The following BEND2 variants were observed in gnomAD, a reference collection of about 807,000 sequenced individuals.
The protein encoded by BEND2 is BEN domain-containing protein 2.
BEND2 carries 19 observed loss-of-function variants against 43.8 expected under a neutral mutation model. The observed-to-expected ratio is 0.43, with a 90% CI of 0.30 to 0.64. The LOEUF (loss-of-function observed/expected upper bound fraction) is 0.64. Among genes scored for constraint, BEND2 ranks in the 30% least tolerant of loss-of-function variants. The pLI is 0.11. For missense variants in BEND2, 544 were observed against 574.0 expected (o/e 0.95, Z 0.53); for synonymous variants, 226 against 210.1 (o/e 1.08, Z -0.66).
At position 18,216,590 on chromosome X, in the gene BEND2, C is replaced by G; in HGVS notation, c.169G>C (p.Asp57His). 3.3e-6 allele frequency: 4 copies of G among 1,209,300 alleles called. No homozygotes were observed. Among genetic ancestry groups the G allele is most frequent in the Non-Finnish European group, 4.5e-6 (4 of 893,427 alleles). ...GGAAAATTTGGTTGTGTGGCTGTGTCATCAGTGGGATTATCTGCTGTGACA... is the reference window on the plus strand; with the variant it reads ...GGAAAATTTGGTTGTGTGGCTGTGTGATCAGTGGGATTATCTGCTGTGACA... ...TYVTADNPTD[D>H]TATQPNFPGG... The change falls in exon 2 of 14, where the codon GAC becomes CAC. Residue 57 changes from aspartate (D) to histidine (H), a missense_variant. Asp to His is a moderately conservative substitution (Grantham distance 81, BLOSUM62 -1). Around this residue, in one of 2 missense-constraint regions of BEND2, gnomAD observed 501 missense variants for 501.6 expected, o/e 1.00. Coordinates refer to ENST00000380033, the MANE Select transcript of BEND2 (RefSeq NM_153346.5).
chrX:18,177,713 C>T lies in BEND2; in HGVS notation c.1486G>A (p.Val496Ile). The change falls in exon 10 of 14, where the codon GTA (valine) becomes ATA (isoleucine). Residue 496 changes from valine (V) to isoleucine (I), a missense_variant. Physicochemically the swap from Val to Ile is conservative, Grantham distance 29 (BLOSUM62 3). Coordinates refer to ENST00000380033, the MANE Select transcript of BEND2 (RefSeq NM_153346.5). ...TGCTTAGGTTTGGCCATATTTTGTA[C>T]GGCCAGCAAATGGATTTTAAGTACT... ...VRVLKIHLLA[V>I]QNMAKPKQAA... 1 of 1,210,343 alleles carries T rather than the reference C, an allele frequency of 8.3e-7. No homozygotes were observed.
At chrX:18,170,004 T>G (rs1923926679) in intron 13 of BEND2, among the ~76,000 whole-genome samples, 1 of 112,274 alleles carries the variant, frequency 8.9e-6, no homozygotes, top group East Asian at 2.8e-4. Context: ...CTTCTATAAA[T>G]ACATTCATTT....
chrX:18,203,227 C>T (rs1925221868), intron 5 of BEND2, among the ~76,000 whole-genome samples: 1 of 109,549 alleles, frequency 9.1e-6, no homozygotes. Context: ...TAGGAACATA[C>T]AAACTTTCTC....
intron 7 of BEND2, among the ~76,000 whole-genome samples, chrX:18,195,021 A>G (rs754456351): frequency 9.0e-6 from 1 of 111,129 alleles, no homozygotes; most frequent in South Asian, 3.9e-4. Context: ...AAATACAAGT[A>G]AAATGGGACA....
chrX:18,185,399 C>T (rs1350915175), intron 8 of BEND2, among the ~76,000 whole-genome samples: 5 of 108,536 alleles, frequency 4.6e-5, no homozygotes, highest in African/African-American at 1.0e-4. Context: ...GGCATGGTGG[C>T]GCGTGCCTAT....
intron 8 of BEND2, among the ~76,000 whole-genome samples, chrX:18,186,537 GT>G (rs1924579488): frequency 9.2e-6 from 1 of 108,437 alleles, no homozygotes; most frequent in Non-Finnish European, 1.9e-5. Context: ...TTAAGTTAAA[GT>G]GTAGAGTTTT....
chrX:18,196,694 G>GA (rs59301009), intron 6 of BEND2, among the ~76,000 whole-genome samples: 847 of 71,079 alleles, frequency 0.012, 9 homozygotes, highest in African/African-American at 0.031. Context: ...CATACTGACT[G>GA]AAAAAAAAAA....
Position 18,171,131 on chromosome X carries a change from G to A in BEND2, c.2055C>T (p.Cys685=), listed in dbSNP as rs745334763. 16 of 1,207,566 alleles carry A rather than the reference G, an allele frequency of 1.3e-5. No individual in the cohort carries two copies. The highest frequency in any genetic ancestry group is 5.9e-5 in the East Asian group (2 of 33,794). Residue 685 remains cysteine, a synonymous_variant, in exon 13 of 14, where the codon TGC becomes TGT. Coordinates refer to ENST00000380033, the MANE Select transcript of BEND2 (RefSeq NM_153346.5). ...SVLTLAKTKS[C]ASLSARYLIQ... ...TAAGGTATCTAGCCGACAGGCTTGC[G>A]CAAGACTTAGTTTTTGCCAAAGTCA...
At chrX:18,211,784 G>GAA (rs766206442) in intron 4 of BEND2, among the ~76,000 whole-genome samples, 2 of 92,212 alleles carry the variant, frequency 2.2e-5, no homozygotes. Flanking sequence ...CTCCATCTCA[G>GAA]AAAAAAAAAA....
chrX:18,187,065 A>G (rs1924601000), intron 8 of BEND2, among the ~76,000 whole-genome samples: 1 of 110,580 alleles, frequency 9.0e-6, no homozygotes, highest in Admixed American at 9.7e-5. Flanking sequence ...GGAAGACAGG[A>G]AGGAAGGAAA....
chrX:18,171,555 G>T (rs1337661573), intron 12 of BEND2, among the ~76,000 whole-genome samples: 2 of 111,006 alleles, frequency 1.8e-5, no homozygotes, highest in Non-Finnish European at 3.8e-5. Context: ...TGTTCCCCAG[G>T]CTGGTCTCAA....
chrX:18,171,622 G>T (rs1923981060), intron 12 of BEND2, among the ~76,000 whole-genome samples: 1 of 111,752 alleles, frequency 8.9e-6, no homozygotes, highest in East Asian at 2.8e-4. Context: ...GGGATTACAG[G>T]TATAAGCCAT....
chrX:18,212,544 TAAAC>T lies in BEND2; in HGVS notation c.492+17_492+20del, dbSNP rs750471554. The T allele has an allele frequency of 3.8e-6, 4 of 1,051,032 alleles. No individual in the cohort carries two copies. In the African/African-American group the frequency reaches 7.4e-5, roughly 20 times the overall value. The allele number at this position is 1,051,032 out of a possible 1,213,427, so 86.6% of individuals were successfully genotyped here. ...GAACAAAGAGAGATTTTCACTTTAA[TAAAC>T]AAACCATAATATCTACCTCTGGAGT... is the stretch of plus-strand genomic sequence containing the variant. On this transcript the variant is annotated intron_variant, in intron 4 of 13. Transcript: ENST00000380033.
In BEND2 at chrX:18,212,559, A is replaced by G; in HGVS notation, c.492+6T>C. The G allele has an allele frequency of 1.8e-6, 2 of 1,102,064 alleles. No homozygotes were observed. The highest frequency in any genetic ancestry group is 2.5e-6 in the Non-Finnish European group (2 of 799,144). 90.8% of individuals were successfully genotyped at this position (1,102,064 alleles called of 1,213,427 possible). A position where few individuals can be genotyped will look rare whatever the true frequency, so the allele number is the denominator to read the frequency against. ...TTCACTTTAATAAACAAACCATAAT[A>G]TCTACCTCTGGAGTATAGAATCTTC... is the stretch of plus-strand genomic sequence containing the variant. On this transcript the variant is annotated splice_donor_region_variant and intron_variant, in intron 4 of 13. Transcript: ENST00000380033.
chrX:18,217,901 C>G (rs893183995), intron 1 of BEND2, among the ~76,000 whole-genome samples: 1 of 105,940 alleles, frequency 9.4e-6, no homozygotes, highest in African/African-American at 3.5e-5. Flanking sequence ...GGCAACATGG[C>G]GAAATCCTGT....
At chrX:18,211,248 A>T (rs1925491661) in intron 4 of BEND2, among the ~76,000 whole-genome samples, 1 of 112,010 alleles carries the variant, frequency 8.9e-6, no homozygotes, top group Non-Finnish European at 1.9e-5. Context: ...AATCTATTTT[A>T]TTCAACTTCA....
Position 18,174,054 on chromosome X carries a change from G to T in BEND2, c.1957C>A (p.Pro653Thr), listed in dbSNP as rs200279123. 6 of 1,206,607 alleles carry T rather than the reference G, an allele frequency of 5.0e-6. No homozygotes were observed. In the East Asian group the frequency reaches 1.8e-4, roughly 36 times the overall value. ...CTCCATGCTTCACCAGGTTCCTCTGGATTATCAGTGGAAGGTTCTCGCATT... is the reference window on the plus strand; with the variant it reads ...CTCCATGCTTCACCAGGTTCCTCTGTATTATCAGTGGAAGGTTCTCGCATT... Reference protein sequence around the residue: ...EGMREPSTDNPEEPGEAWSYF... With the variant: ...EGMREPSTDNTEEPGEAWSYF... Residue 653 changes from proline (P) to threonine (T), a missense_variant, in exon 12 of 14, where the codon CCA becomes ACA. Pro to Thr is a conservative substitution (Grantham distance 38, BLOSUM62 -1). Transcript: ENST00000380033.
At chrX:18,178,850 C>T (rs1924273407) in intron 9 of BEND2, among the ~76,000 whole-genome samples, 1 of 111,424 alleles carries the variant, frequency 9.0e-6, no homozygotes, top group South Asian at 3.8e-4. Flanking sequence ...ATCAAGCAGG[C>T]AGACATGAGA....
At chrX:18,215,583 A>T (rs1300925154) in intron 2 of BEND2, among the ~76,000 whole-genome samples, 1 of 112,032 alleles carries the variant, frequency 8.9e-6, no homozygotes, top group African/African-American at 3.2e-5. Flanking sequence ...GAAAAATTAT[A>T]GGAAATTCAA....
Sources: gnomAD v4.1 joint callset for allele counts (sites outside exome capture counted in the v4.1 genomes callset) on GRCh38, gnomAD v4.1.1 for gene constraint, gnomAD v4.1.1 regional missense constraint, MANE v1.5 for transcripts, NCBI Gene and HGNC (gene_info 2026-07-23, HGNC 2026-07-21) for gene names.